CCDC171: variants seen among roughly 807,000 people sequenced by gnomAD.
CCDC171 encodes coiled-coil domain containing 171.
Under a neutral mutation model 168.2 loss-of-function variants are expected in CCDC171, and 177 were observed. The observed-to-expected ratio is 1.05, with a 90% CI of 0.93 to 1.19. The LOEUF is 1.19. CCDC171 is among the 50% of genes most tolerant of loss of function. CCDC171 has a pLI of 0.00. For synonymous variants in CCDC171, 687 were observed against 540.8 expected, an observed-to-expected ratio of 1.27 and a Z score of -3.75; for missense variants, 1,991 against 1,539.0, an observed-to-expected ratio of 1.29 and a Z score of -4.91.
At chr9:16,087,895 A>G in the CCDC171 span, among the ~76,000 whole-genome samples, 9 of 152,012 alleles carry the variant, frequency 5.9e-5, no homozygotes, top group East Asian at 3.9e-4. Flanking sequence ...GGTGATGACA[A>G]AATCTCTCAG....
intron 24 of CCDC171, among the ~76,000 whole-genome samples, chr9:15,888,810 T>C (rs145127019): frequency 6.6e-6 from 1 of 152,084 alleles, no homozygotes; most frequent in East Asian, 1.9e-4. Context: ...AACTGGTAAC[T>C]TGAAGGCAAA....
chr9:15,681,361 G>A (rs1018168989), intron 10 of CCDC171, among the ~76,000 whole-genome samples: 36 of 152,174 alleles, frequency 2.4e-4, no homozygotes, highest in Non-Finnish European at 5.3e-4. Context: ...GGCTCAGACT[G>A]TTAATATGTT....
At chr9:15,995,729 A>C (rs1832348894) in intron 3 of CCDC171, among the ~76,000 whole-genome samples, 2 of 152,230 alleles carry the variant, frequency 1.3e-5, no homozygotes, top group African/African-American at 2.4e-5. Context: ...TAGCACTACA[A>C]ATCTTTAAAA....
chr9:15,642,881 A>G (rs1355716945), intron 7 of CCDC171, among the ~76,000 whole-genome samples: 2 of 152,154 alleles, frequency 1.3e-5, no homozygotes, highest in Non-Finnish European at 2.9e-5. Flanking sequence ...ACTAATTAAT[A>G]TATATACAAG....
chr9:15,817,569 T>A lies in CCDC171; in HGVS notation c.3268-29133T>A, dbSNP rs1054477145. Among the ~76,000 whole-genome samples the A allele has an allele frequency of 1.3e-4, 15 of 117,532 alleles. 4 individuals are homozygous for A. The highest frequency in any genetic ancestry group is 2.3e-4 in the Non-Finnish European group (12 of 52,198). 77.1% of individuals were successfully genotyped at this position (117,532 alleles called of 152,430 possible). Reference sequence around the variant, plus strand: ...TATATCCAGCACCTGGCTTGGAGGGTCCTACGCCCACGGAGCCTCGCTCAT... The same window carrying A: ...TATATCCAGCACCTGGCTTGGAGGGACCTACGCCCACGGAGCCTCGCTCAT... On this transcript the variant is annotated intron_variant, in intron 21 of 25. Coordinates refer to ENST00000380701, the MANE Select transcript of CCDC171 (RefSeq NM_173550.4).
At chr9:15,875,345 G>T (rs1817700667) in intron 24 of CCDC171, 1 of 151,886 alleles carries the variant, frequency 6.6e-6, no homozygotes, top group South Asian at 2.1e-4. Flanking sequence ...GATGCTGTAG[G>T]TATCCTTCTA....
intron 11 of CCDC171, among the ~76,000 whole-genome samples, chr9:15,718,614 G>A (rs2053246415): frequency 6.6e-6 from 1 of 152,206 alleles, no homozygotes; most frequent in African/African-American, 2.4e-5. Flanking sequence ...CCCAGTTTTA[G>A]CTCAGCACAG....
intron 23 of CCDC171, among the ~76,000 whole-genome samples, chr9:15,853,728 GT>G: frequency 6.6e-6 from 1 of 151,594 alleles, no homozygotes; most frequent in Non-Finnish European, 1.5e-5. Context: ...TTAGCTGTGG[GT>G]TTTTTCATAG....
intron 3 of CCDC171, among the ~76,000 whole-genome samples, chr9:15,984,935 A>C (rs1054408791): frequency 6.6e-6 from 1 of 152,300 alleles, no homozygotes; most frequent in Non-Finnish European, 1.5e-5. Context: ...AAGTATTTCT[A>C]TATGAAAGTT....
At chr9:15,703,595 T>C (rs769970364) in intron 11 of CCDC171, among the ~76,000 whole-genome samples, 2 of 152,234 alleles carry the variant, frequency 1.3e-5, no homozygotes, top group African/African-American at 2.4e-5. Flanking sequence ...AGGATTCTTT[T>C]TCTATGGGTG....
Position 15,594,113 on chromosome 9 carries a change from T to G in CCDC171, c.616T>G (p.Phe206Val). 1.3e-6 allele frequency: 2 copies of G among 1,531,842 alleles called. No homozygotes were observed. Among genetic ancestry groups the G allele is most frequent in the Non-Finnish European group, 1.8e-6 (2 of 1,110,184 alleles). 94.9% of individuals were successfully genotyped at this position (1,531,842 alleles called of 1,614,324 possible). ...SHIRETALEE[F>V]RLQEEQWEAE... is the part of the protein sequence containing the mutation. Reference sequence around the variant, plus strand: ...TATCAGGGAGACAGCATTGGAGGAGTTTAGATTACAAGAAGAACAATGGGA... The same window carrying G: ...TATCAGGGAGACAGCATTGGAGGAGGTTAGATTACAAGAAGAACAATGGGA... Residue 206 changes from phenylalanine (F) to valine (V), a missense_variant, in exon 6 of 26, where the codon TTT (phenylalanine) becomes GTT (valine). Physicochemically the swap from Phe to Val is conservative, Grantham distance 50. Transcript: ENST00000380701.
At chr9:15,631,431 A>C (rs2045685505) in intron 7 of CCDC171, among the ~76,000 whole-genome samples, 1 of 152,232 alleles carries the variant, frequency 6.6e-6, no homozygotes, top group South Asian at 2.1e-4. Context: ...GAAGAAATTG[A>C]TAGATTCTTG....
chr9:15,641,939 G>A (rs1037085831), intron 7 of CCDC171, among the ~76,000 whole-genome samples: 48 of 152,092 alleles, frequency 3.2e-4, no homozygotes, highest in Non-Finnish European at 2.8e-4. Context: ...CAAGGTGGGC[G>A]GATCACTTGA....
At chr9:15,802,348 C>G (rs1426938198) in intron 21 of CCDC171, among the ~76,000 whole-genome samples, 4 of 151,936 alleles carry the variant, frequency 2.6e-5, no homozygotes, top group Admixed American at 2.0e-4. Flanking sequence ...ACAGATCATT[C>G]TATCACCCAG....
rs1049634807 is a variant in CCDC171 at position 15,778,719 on chromosome 9, T to C, written c.2899-249T>C. On this transcript the variant is annotated intron_variant, in intron 19 of 25. Coordinates refer to ENST00000380701, the MANE Select transcript of CCDC171 (RefSeq NM_173550.4). The stretch of plus-strand genomic sequence containing the variant: ...TCTCTATAAATGCACTGCAACAGAA[T>C]TGTATGAGACCTAAACAGCTGTCAA... Among the ~76,000 whole-genome samples the C allele has an allele frequency of 2.7e-5, 4 of 150,714 alleles. 1 individual carries two copies. Among genetic ancestry groups the C allele is most frequent in the Admixed American group, 2.6e-4 (4 of 15,114 alleles).
the CCDC171 span, among the ~76,000 whole-genome samples, chr9:16,103,314 G>A: frequency 6.6e-6 from 1 of 152,208 alleles, no homozygotes. Context: ...GGGCCTGGGA[G>A]CAGGGAGATC....
intron 6 of CCDC171, among the ~76,000 whole-genome samples, chr9:15,596,287 T>A (rs376684150): frequency 6.6e-6 from 1 of 152,052 alleles, no homozygotes; most frequent in South Asian, 2.1e-4. Flanking sequence ...GGTCTAACAT[T>A]TAAGTCTTTA....
At chr9:15,616,743 T>C (rs2044112336) in intron 6 of CCDC171, among the ~76,000 whole-genome samples, 1 of 152,204 alleles carries the variant, frequency 6.6e-6, no homozygotes, top group East Asian at 1.9e-4. Flanking sequence ...TCTTTTATAC[T>C]TAGGTAGTAT....
At chr9:15,960,046 C>T (rs1830194657) in intron 25 of CCDC171, among the ~76,000 whole-genome samples, 1 of 152,118 alleles carries the variant, frequency 6.6e-6, no homozygotes, top group Admixed American at 6.6e-5. Context: ...GATGGGGAAT[C>T]CACAGGGGTG....
Sources: gnomAD v4.1 joint callset for allele counts (sites outside exome capture counted in the v4.1 genomes callset) on GRCh38, gnomAD v4.1.1 for gene constraint, MANE v1.5 for transcripts, NCBI Gene and HGNC (gene_info 2026-07-23, HGNC 2026-07-21) for gene names.